The following CNNM2 variants were observed in gnomAD, a reference collection of about 807,000 sequenced individuals.
The protein encoded by CNNM2 is metal transporter CNNM2.
In CNNM2, 12 loss-of-function variants were observed where a neutral mutation model predicts 66.9. The ratio of observed to expected loss-of-function variants is 0.18; its 90% CI spans 0.11 to 0.29. The LOEUF is 0.29. Among genes scored for constraint, CNNM2 ranks in the 10% least tolerant of loss-of-function variants. The pLI, the probability that CNNM2 is intolerant of heterozygous loss-of-function variation, is 1.00. For synonymous variants in CNNM2, 557 were observed against 501.8 expected (o/e 1.11, Z -1.47); for missense variants, 705 against 1,167.7 (o/e 0.60, Z 5.77).
At chr10:103,030,521 C>G (rs564840729) in intron 1 of CNNM2, among the ~76,000 whole-genome samples, 29 of 152,258 alleles carry the variant, frequency 1.9e-4, no homozygotes, top group African/African-American at 5.8e-4. Context: ...TCAAGACCAG[C>G]CTGGCCAACA....
Position 103,086,674 on chromosome 10 carries a change from G to A in CNNM2, c.*9494G>A, listed in dbSNP as rs924093960. On this transcript the variant is annotated 3_prime_UTR_variant, in exon 8 of 8. Coordinates refer to ENST00000369878, the MANE Select transcript of CNNM2 (RefSeq NM_017649.5). ...AAAGTGGTTTCTTAACAATGCTAAT[G>A]TGACTTAAGGATTTGTAGTTCTATT... 1.3e-5 allele frequency: 2 copies of A among 152,200 alleles called. No individual in the cohort carries two copies. The highest frequency in any genetic ancestry group is 4.8e-5 in the African/African-American group (2 of 41,448). The allele number at this position is 152,200 out of a possible 1,614,324, so 9.4% of individuals were successfully genotyped here. A position where few individuals can be genotyped will look rare whatever the true frequency, so the allele number is the denominator to read the frequency against.
intron 1 of CNNM2, among the ~76,000 whole-genome samples, chr10:102,980,105 A>G (rs1402853976): frequency 6.6e-6 from 1 of 151,826 alleles, no homozygotes; most frequent in African/African-American, 2.4e-5. Context: ...AGTAGAGACA[A>G]GTGTTTCGCC....
intron 6 of CNNM2, among the ~76,000 whole-genome samples, chr10:103,073,440 G>T (rs1187927895): frequency 2.0e-5 from 3 of 152,104 alleles, no homozygotes; most frequent in Non-Finnish European, 4.4e-5. Context: ...CAAAGCGCAG[G>T]GATACAGTAA....
chr10:102,993,917 G>A (rs2063940366), intron 1 of CNNM2, among the ~76,000 whole-genome samples: 1 of 151,938 alleles, frequency 6.6e-6, no homozygotes, highest in South Asian at 2.1e-4. Flanking sequence ...GGAGGTTCTG[G>A]CTTTATGTCA....
chr10:103,006,303 T>C (rs191006631), intron 1 of CNNM2, among the ~76,000 whole-genome samples: 1 of 145,880 alleles, frequency 6.9e-6, no homozygotes, highest in East Asian at 2.0e-4. Context: ...GCCTTGGGGG[T>C]TCAAGCAATT....
intron 1 of CNNM2, among the ~76,000 whole-genome samples, chr10:103,003,006 T>C (rs910584118): frequency 6.6e-6 from 1 of 152,112 alleles, no homozygotes; most frequent in Non-Finnish European, 1.5e-5. Context: ...ACAACCCAAA[T>C]GTTCATCATT....
chr10:102,984,678 T>C (rs1015904519), intron 1 of CNNM2, among the ~76,000 whole-genome samples: 2 of 152,206 alleles, frequency 1.3e-5, no homozygotes, highest in Non-Finnish European at 2.9e-5. Flanking sequence ...TCTTATTTTT[T>C]TGAGACGGTC....
At chr10:102,964,549 T>C (rs746064514) in intron 1 of CNNM2, among the ~76,000 whole-genome samples, 18 of 152,076 alleles carry the variant, frequency 1.2e-4, no homozygotes, top group Admixed American at 2.0e-4. Flanking sequence ...AATGGGCAAA[T>C]TGGGAGCCTA....
At chr10:102,966,800 C>T (rs750850263) in intron 1 of CNNM2, among the ~76,000 whole-genome samples, 10 of 152,022 alleles carry the variant, frequency 6.6e-5, no homozygotes, top group South Asian at 2.1e-4. Context: ...ATAAAGGAGA[C>T]GAAGATACAT....
At position 102,954,973 on chromosome 10, in the gene CNNM2, G is replaced by A. The variant is rs6584534; in HGVS notation, c.1621+34872G>A. The stretch of plus-strand genomic sequence containing the variant: ...ACTGCCCAAGGTAATTTATAGATTC[G>A]ATGCCATCCCCATCAAGCTACCAAT... On this transcript the variant is annotated intron_variant, in intron 1 of 7. Coordinates refer to ENST00000369878, the MANE Select transcript of CNNM2 (RefSeq NM_017649.5). Among the ~76,000 whole-genome samples the A allele has an allele frequency of 0.41, 61,956 of 151,864 alleles. 12,848 individuals are homozygous for A. The highest frequency in any genetic ancestry group is 0.56 in the East Asian group (2,890 of 5,172).
Position 103,079,643 on chromosome 10 carries a change from T to C in CNNM2, c.*2463T>C, listed in dbSNP as rs1399806172. On this transcript the variant is annotated 3_prime_UTR_variant, in exon 8 of 8. Transcript: ENST00000369878. ...TGGCTTCTTGCAAATTATTCTCTTATAAAAGAGCTCGGCAGGAGTGGCATC... is the reference window on the plus strand; with the variant it reads ...TGGCTTCTTGCAAATTATTCTCTTACAAAAGAGCTCGGCAGGAGTGGCATC... 6.6e-6 allele frequency: 1 copy of C among 152,166 alleles called. No homozygotes were observed. The allele number at this position is 152,166 out of a possible 1,614,324, so 9.4% of individuals were successfully genotyped here. A position where few individuals can be genotyped will look rare whatever the true frequency, so the allele number is the denominator to read the frequency against.
intron 1 of CNNM2, among the ~76,000 whole-genome samples, chr10:103,000,914 G>A (rs576417672): frequency 6.6e-6 from 1 of 152,256 alleles, no homozygotes; most frequent in East Asian, 1.9e-4. Flanking sequence ...ATTCACAGTT[G>A]CTAAAACATA....
chr10:103,044,213 G>A (rs775547298), intron 1 of CNNM2, among the ~76,000 whole-genome samples: 3 of 152,020 alleles, frequency 2.0e-5, no homozygotes, highest in South Asian at 4.2e-4. Context: ...TCCCAGAGTC[G>A]CTTTTCTGCT....
chr10:102,929,236 G>A (rs923470995), intron 1 of CNNM2, among the ~76,000 whole-genome samples: 1 of 152,104 alleles, frequency 6.6e-6, no homozygotes, highest in African/African-American at 2.4e-5. Context: ...CTCCGCCTGT[G>A]CGACAGAGCG....
intron 1 of CNNM2, among the ~76,000 whole-genome samples, chr10:102,934,316 C>T (rs1386470436): frequency 6.7e-6 from 1 of 149,196 alleles, no homozygotes; most frequent in African/African-American, 2.5e-5. Flanking sequence ...GCTCTGTCGC[C>T]CAGGCTGGAG....
chr10:102,974,835 G>A lies in CNNM2; in HGVS notation c.1621+54734G>A, dbSNP rs544190110. Reference sequence around the variant, plus strand: ...TATAGGTATGAGCCAGCATGCCCATGAATCCTATTTTATTCTGTATTGGGG... The same window carrying A: ...TATAGGTATGAGCCAGCATGCCCATAAATCCTATTTTATTCTGTATTGGGG... On this transcript the variant is annotated intron_variant, in intron 1 of 7. Coordinates refer to ENST00000369878, the MANE Select transcript of CNNM2 (RefSeq NM_017649.5). Among the ~76,000 whole-genome samples the A allele has an allele frequency of 1.8e-4, 27 of 152,288 alleles. 1 individual carries two copies. Among genetic ancestry groups the A allele is most frequent in the African/African-American group, 6.0e-4 (25 of 41,562 alleles).
chr10:103,069,267 G>A (rs183455448), intron 5 of CNNM2, among the ~76,000 whole-genome samples: 113 of 152,310 alleles, frequency 7.4e-4, no homozygotes, highest in African/African-American at 2.6e-3. Flanking sequence ...CTGTCAATAT[G>A]TGGCTTTGAA....
chr10:102,972,996 C>G (rs923314918), intron 1 of CNNM2, among the ~76,000 whole-genome samples: 1 of 152,176 alleles, frequency 6.6e-6, no homozygotes, highest in African/African-American at 2.4e-5. Context: ...GTTTTAACAT[C>G]CATGAAACTG....
rs114812855 is a variant in CNNM2, at chr10:103,062,937, C to G, written c.2074-5692C>G. ...GAACGGCAGATCCTTCAGTATGAAA[C>G]GAATGCTTCAGTAGGTCTGGGGTGG... On this transcript the variant is annotated intron_variant, in intron 4 of 7. Transcript: ENST00000369878. Among the ~76,000 whole-genome samples the G allele has an allele frequency of 1.9e-4, 29 of 152,292 alleles. No individual in the cohort carries two copies. The South Asian group carries it at 5.8e-3, about 30-fold the overall frequency.
Sources: gnomAD v4.1 joint callset for allele counts (sites outside exome capture counted in the v4.1 genomes callset) on GRCh38, gnomAD v4.1.1 for gene constraint, MANE v1.5 for transcripts, NCBI Gene and HGNC (gene_info 2026-07-23, HGNC 2026-07-21) for gene names.